The following ANKRD30A variants were observed in gnomAD, a reference collection of about 807,000 sequenced individuals.
ANKRD30A encodes ankyrin repeat domain 30A.
ANKRD30A carries 170 observed loss-of-function variants against 166.3 expected under a neutral mutation model. The observed-to-expected ratio is 1.02, with a 90% CI of 0.90 to 1.16. The LOEUF is 1.16. ANKRD30A is among the 50% of genes most tolerant of loss of function. ANKRD30A has a pLI of 0.00. For missense variants in ANKRD30A, 1,630 were observed against 1,518.0 expected, an observed-to-expected ratio of 1.07 and a Z score of -1.23; for synonymous variants, 564 against 508.9, an observed-to-expected ratio of 1.11 and a Z score of -1.46.
chr10:37,241,264 G>T, the ANKRD30A span: 1 of 148,866 alleles, frequency 6.7e-6, no homozygotes, highest in African/African-American at 2.5e-5. Context: ...TAAAGCATCA[G>T]AAAAAAAAGG....
chr10:37,198,238 A>T (rs896429158), intron 29 of ANKRD30A, among the ~76,000 whole-genome samples: 4 of 152,120 alleles, frequency 2.6e-5, no homozygotes, highest in Non-Finnish European at 4.4e-5. Context: ...AATATGTACA[A>T]TTTTTTTCAA....
chr10:37,257,336 A>G, the ANKRD30A span, among the ~76,000 whole-genome samples: 3 of 69,646 alleles, frequency 4.3e-5, no homozygotes, highest in Non-Finnish European at 7.1e-5. Context: ...TAATCTTTTC[A>G]AAAAAAAAAA....
the ANKRD30A span, among the ~76,000 whole-genome samples, chr10:37,263,805 T>A: frequency 6.6e-6 from 1 of 152,136 alleles, no homozygotes; most frequent in Non-Finnish European, 1.5e-5. Context: ...TGGGGCCCAC[T>A]GCCCTAAGAG....
chr10:37,158,476 C>A, intron 14 of ANKRD30A, 38 bp from the exon 15 acceptor site: 3 of 1,613,044 alleles, frequency 1.9e-6, no homozygotes, highest in Non-Finnish European at 2.5e-6. Context: ...ATGAAGTATA[C>A]ATTGTATATT....
chr10:37,258,742 T>A, the ANKRD30A span, among the ~76,000 whole-genome samples: 9 of 149,782 alleles, frequency 6.0e-5, no homozygotes, highest in African/African-American at 2.2e-4. Flanking sequence ...GGTGGGTGGA[T>A]CATGAGGTCA....
At chr10:37,200,819 G>A (rs888725397) in intron 30 of ANKRD30A, among the ~76,000 whole-genome samples, 16 of 151,992 alleles carry the variant, frequency 1.1e-4, no homozygotes, top group African/African-American at 3.9e-4. Flanking sequence ...TTAGACAATT[G>A]TATGATCATG....
intron 15 of ANKRD30A, 59 bp from the exon 16 acceptor site, chr10:37,162,590 T>A: frequency 1.3e-6 from 2 of 1,596,164 alleles, no homozygotes; most frequent in Non-Finnish European, 1.7e-6. Flanking sequence ...ACGGCATTCA[T>A]TTGTGGTTGG....
At chr10:37,206,163 T>C (rs1186433191) in intron 31 of ANKRD30A, among the ~76,000 whole-genome samples, 1 of 152,150 alleles carries the variant, frequency 6.6e-6, no homozygotes, top group Non-Finnish European at 1.5e-5. Context: ...ATCCGGAGAT[T>C]ATTTTGCTAA....
the ANKRD30A span, among the ~76,000 whole-genome samples, chr10:37,263,352 T>G: frequency 6.6e-6 from 1 of 152,022 alleles, no homozygotes; most frequent in African/African-American, 2.4e-5. Flanking sequence ...TAGGAGCTGG[T>G]TTCAGGATGA....
intron 27 of ANKRD30A, among the ~76,000 whole-genome samples, chr10:37,193,711 G>T (rs1046697963): frequency 2.0e-5 from 3 of 151,898 alleles, no homozygotes; most frequent in Admixed American, 2.0e-4. Context: ...CTGTGTGTTT[G>T]TGTGACTTAT....
intron 15 of ANKRD30A, among the ~76,000 whole-genome samples, chr10:37,161,200 C>G (rs1838832667): frequency 6.6e-6 from 1 of 152,092 alleles, no homozygotes; most frequent in Non-Finnish European, 1.5e-5. Flanking sequence ...AAAGGAGAGG[C>G]CTTTCATGGG....
Position 37,149,658 on chromosome 10 carries a change from T to G in ANKRD30A, c.1551T>G (p.Pro517=), listed in dbSNP as rs761385472. ...ATCTCTTTTGCTTTTTAGAGCCTCC[T>G]AAGAAGCCATCTGCCTTCAAGGTAT... ...MEINREVEEP[P]KKPSAFKPAI... The change falls in exon 10 of 36, where the codon CCT becomes CCG. Residue 517 remains proline (P), a synonymous_variant. Transcript: ENST00000361713. The G allele has an allele frequency of 4.3e-6, 7 of 1,612,154 alleles. No individual in the cohort carries two copies. The highest frequency in any genetic ancestry group is 3.3e-5 in the South Asian group (3 of 90,930).
rs576552114 is a variant in ANKRD30A, at chr10:37,142,329, C to G, written c.1393+39C>G. ...GCGAACTTTGTAAGGTTTATTGGCA[C>G]TTCAGGTTCCCTAGTGAAAAAAGTG... On this transcript the variant is annotated intron_variant, in intron 7 of 35. Transcript: ENST00000361713. 4.8e-5 allele frequency: 73 copies of G among 1,525,430 alleles called. No homozygotes were observed. In the South Asian group the frequency reaches 9.2e-4, roughly 19 times the overall value. The allele number at this position is 1,525,430 out of a possible 1,614,324, so 94.5% of individuals were successfully genotyped here.
At chr10:37,161,689 G>C (rs186588985) in intron 15 of ANKRD30A, among the ~76,000 whole-genome samples, 1 of 152,240 alleles carries the variant, frequency 6.6e-6, no homozygotes, top group South Asian at 2.1e-4. Context: ...GACTCATTAG[G>C]TTTCTCTGTT....
chr10:37,197,871 T>A (rs1039398267), intron 29 of ANKRD30A, among the ~76,000 whole-genome samples: 12 of 152,242 alleles, frequency 7.9e-5, no homozygotes, highest in Admixed American at 7.2e-4. Flanking sequence ...ACTCGTGTTT[T>A]AACTTGAATT....
At chr10:37,200,978 T>G (rs1841576904) in intron 30 of ANKRD30A, among the ~76,000 whole-genome samples, 1 of 152,160 alleles carries the variant, frequency 6.6e-6, no homozygotes, top group Non-Finnish European at 1.5e-5. Flanking sequence ...ACGATTGAAT[T>G]TTTTCGTGTA....
the ANKRD30A span, among the ~76,000 whole-genome samples, chr10:37,242,722 A>G: frequency 6.6e-6 from 1 of 152,330 alleles, no homozygotes; most frequent in African/African-American, 2.4e-5. Context: ...AAGAACCATG[A>G]GAAATCACCT....
intron 15 of ANKRD30A, among the ~76,000 whole-genome samples, chr10:37,161,294 G>A (rs1031071050): frequency 2.0e-5 from 3 of 152,068 alleles, no homozygotes; most frequent in Non-Finnish European, 2.9e-5. Flanking sequence ...TTATTTCTGG[G>A]TATGCTTTTA....
intron 24 of ANKRD30A, among the ~76,000 whole-genome samples, chr10:37,183,922 G>A (rs1368183833): frequency 6.7e-6 from 1 of 149,928 alleles, no homozygotes; most frequent in Non-Finnish European, 1.5e-5. Flanking sequence ...GCCGTGACTG[G>A]CAGATCACGA....
Sources: gnomAD v4.1 joint callset for allele counts (sites outside exome capture counted in the v4.1 genomes callset) on GRCh38, gnomAD v4.1.1 for gene constraint, MANE v1.5 for transcripts, NCBI Gene and HGNC (gene_info 2026-07-23, HGNC 2026-07-21) for gene names.